The following CCDC91 variants were observed in gnomAD, a reference collection of about 807,000 sequenced individuals.
The protein encoded by CCDC91 is coiled-coil domain-containing protein 91.
Under a neutral mutation model 63.2 loss-of-function variants are expected in CCDC91, and 48 were observed. The observed-to-expected ratio is 0.76, with a 90% CI of 0.60 to 0.97. The LOEUF (loss-of-function observed/expected upper bound fraction) is 0.97. Ranked by LOEUF, CCDC91 falls within the 50% of genes least tolerant of loss-of-function variation. The probability of loss-of-function intolerance (pLI) is 0.00; values close to 1 mark genes in which losing one functional copy is unlikely to be tolerated. For missense variants in CCDC91, 500 were observed against 494.6 expected, an observed-to-expected ratio of 1.01 and a Z score of -0.10; for synonymous variants, 167 against 165.8, an observed-to-expected ratio of 1.01 and a Z score of -0.06.
chr12:28,284,803 G>T (rs1948814939), intron 3 of CCDC91, among the ~76,000 whole-genome samples: 1 of 152,208 alleles, frequency 6.6e-6, no homozygotes, highest in East Asian at 1.9e-4. Flanking sequence ...GAGGATTAAA[G>T]ATAGGCTGTT....
chr12:28,547,535 G>C (rs187463459), intron 12 of CCDC91, among the ~76,000 whole-genome samples: 1 of 152,058 alleles, frequency 6.6e-6, no homozygotes, highest in African/African-American at 2.4e-5. Context: ...AGATTTCTGC[G>C]TACCTGGGTC....
intron 8 of CCDC91, among the ~76,000 whole-genome samples, chr12:28,444,345 G>A (rs1385745717): frequency 6.6e-6 from 1 of 152,098 alleles, no homozygotes; most frequent in Non-Finnish European, 1.5e-5. Flanking sequence ...ATTGTGATGG[G>A]TAAGATTATA....
intron 6 of CCDC91, among the ~76,000 whole-genome samples, chr12:28,326,221 C>G (rs1381919913): frequency 6.6e-6 from 1 of 152,078 alleles, no homozygotes; most frequent in Non-Finnish European, 1.5e-5. Flanking sequence ...CACATTTGTT[C>G]CACTACAATT....
At chr12:28,242,460 A>G (rs1345993315) in intron 1 of CCDC91, among the ~76,000 whole-genome samples, 1 of 152,202 alleles carries the variant, frequency 6.6e-6, no homozygotes, top group Non-Finnish European at 1.5e-5. Context: ...AACATAGGAA[A>G]TAACAGAAGC....
chr12:28,257,140 G>T, intron 1 of CCDC91, 62 bp from the exon 2 acceptor site: 1 of 914,576 alleles, frequency 1.1e-6, no homozygotes, highest in South Asian at 1.4e-5. Flanking sequence ...TTAAGTTGGA[G>T]AGTATTTTGA....
At position 28,287,506 on chromosome 12, in the gene CCDC91, ATGTGATGTTGTAGG is replaced by A. The variant is rs375592696; in HGVS notation, c.110-18137_110-18124del. ...CTTGCTTCTCTCAGCTTTGTAAAAA[ATGTGATGTTGTAGG>A]TGTGAGGCCTTAGTTCTCGGGTCTC... On this transcript the variant is annotated intron_variant, in intron 3 of 12. Coordinates refer to ENST00000536442, the MANE Select transcript of CCDC91 (RefSeq NM_018318.5). 5.3e-3 allele frequency among the ~76,000 whole-genome samples: 809 copies of A among 152,214 alleles called. 1 individual carries two copies. The Middle Eastern group carries it at 0.078, about 15-fold the overall frequency.
intron 12 of CCDC91, among the ~76,000 whole-genome samples, chr12:28,495,583 A>T (rs936161107): frequency 6.6e-6 from 1 of 151,698 alleles, no homozygotes; most frequent in Non-Finnish European, 1.5e-5. Context: ...TAGCCTACAG[A>T]AGGCAGACAC....
At chr12:28,380,857 T>C (rs1945256768) in intron 7 of CCDC91, among the ~76,000 whole-genome samples, 1 of 152,122 alleles carries the variant, frequency 6.6e-6, no homozygotes, top group South Asian at 2.1e-4. Flanking sequence ...ATTTTCAGTA[T>C]TAGAGAAAAG....
intron 3 of CCDC91, among the ~76,000 whole-genome samples, chr12:28,275,498 A>T (rs995657899): frequency 6.6e-6 from 1 of 152,110 alleles, no homozygotes; most frequent in African/African-American, 2.4e-5. Flanking sequence ...CAACCAAAAA[A>T]AGTCCAGGAC....
At chr12:28,492,544 T>C (rs1447325136) in intron 12 of CCDC91, among the ~76,000 whole-genome samples, 2 of 151,482 alleles carry the variant, frequency 1.3e-5, no homozygotes. Flanking sequence ...CCAGTGGCCC[T>C]TGTCAACTTC....
At chr12:28,364,301 T>C (rs1944125517) in intron 7 of CCDC91, among the ~76,000 whole-genome samples, 1 of 152,042 alleles carries the variant, frequency 6.6e-6, no homozygotes, top group Non-Finnish European at 1.5e-5. Context: ...GGCAGGAGAA[T>C]TGCTTGAATC....
chr12:28,496,271 A>G (rs1161702281), intron 12 of CCDC91, among the ~76,000 whole-genome samples: 2 of 151,720 alleles, frequency 1.3e-5, no homozygotes, highest in African/African-American at 2.4e-5. Context: ...AAACTATTGC[A>G]TAGTTCAATC....
intron 1 of CCDC91, among the ~76,000 whole-genome samples, chr12:28,214,072 T>G (rs1943410051): frequency 6.6e-6 from 1 of 152,178 alleles, no homozygotes; most frequent in Non-Finnish European, 1.5e-5. Flanking sequence ...TTTTGCTTCC[T>G]GTTCCTGTGA....
chr12:28,361,597 G>A (rs2138550689), intron 6 of CCDC91, among the ~76,000 whole-genome samples: 1 of 150,906 alleles, frequency 6.6e-6, no homozygotes. Flanking sequence ...CTGTCTTTTG[G>A]TTTCCTAATT....
chr12:28,199,236 T>G (rs1430857750), intron 1 of CCDC91, among the ~76,000 whole-genome samples: 1 of 152,124 alleles, frequency 6.6e-6, no homozygotes, highest in African/African-American at 2.4e-5. Context: ...TACTAAATAT[T>G]TTTTGAGTTC....
chr12:28,426,285 G>T (rs964207020), intron 8 of CCDC91, among the ~76,000 whole-genome samples: 4 of 151,956 alleles, frequency 2.6e-5, no homozygotes, highest in African/African-American at 9.7e-5. Context: ...TATACTTTAG[G>T]TGTACATTAT....
intron 8 of CCDC91, among the ~76,000 whole-genome samples, chr12:28,420,648 G>A (rs533101127): frequency 5.9e-5 from 9 of 151,992 alleles, no homozygotes; most frequent in Admixed American, 1.3e-4. Flanking sequence ...CCACTTAAGC[G>A]TTGTTATTGT....
rs60083355 is a variant in CCDC91 at position 28,458,455 on chromosome 12, C to CTTTTTTTTTTTTTTTTTTTTTTTTTTT, written c.1101+5807_1101+5833dup. Among the ~76,000 whole-genome samples the CTTTTTTTTTTTTTTTTTTTTTTTTTTT allele has an allele frequency of 6.6e-5, 3 of 45,792 alleles. 1 individual carries two copies. The highest frequency in any genetic ancestry group is 1.1e-4 in the African/African-American group (1 of 9,060). The allele number at this position is 45,792 out of a possible 152,430, so 30.0% of individuals were successfully genotyped here. A position where few individuals can be genotyped will look rare whatever the true frequency, so the allele number is the denominator to read the frequency against. ...TTCCCTTTTGTCCTCATTTGCACAC[C>CTTTTTTTTTTTTTTTTTTTTTTTTTTT]TTTTTTTTTTTTTTTTTTTTTTTTT... On this transcript the variant is annotated intron_variant, in intron 11 of 12. Transcript: ENST00000536442.
chr12:28,522,509 CT>C (rs1317048112), intron 12 of CCDC91, among the ~76,000 whole-genome samples: 3 of 152,026 alleles, frequency 2.0e-5, no homozygotes, highest in Admixed American at 2.0e-4. Context: ...TTTTATTGAT[CT>C]TTTCAAAAAA....
Sources: allele counts gnomAD v4.1 joint callset (sites outside exome capture counted in the v4.1 genomes callset), GRCh38; gene constraint gnomAD v4.1.1; transcripts MANE v1.5; gene names NCBI Gene and HGNC (gene_info 2026-07-23, HGNC 2026-07-21).